The following OCRL variants were observed in gnomAD, a reference collection of about 807,000 sequenced individuals.
OCRL encodes inositol polyphosphate 5-phosphatase OCRL.
A neutral mutation model predicts 78.9 loss-of-function variants in OCRL; 8 were observed. The observed-to-expected ratio is 0.10, with a 90% CI of 0.06 to 0.18. The LOEUF is 0.18. OCRL is among the 10% of genes least tolerant of loss of function. The pLI is 1.00. For synonymous variants in OCRL, 240 were observed against 235.4 expected (o/e 1.02, Z -0.18); for missense variants, 454 against 696.7 (o/e 0.65, Z 3.92).
intron 20 of OCRL, 81 bp from the exon 21 acceptor site, chrX:129,588,098 T>G: frequency 1.4e-6 from 1 of 721,539 alleles, no homozygotes; most frequent in Non-Finnish European, 2.2e-6. Context: ...TGCTTCCTGC[T>G]GCTCTTCTGA....
chrX:129,564,827 T>A (rs1034758425), intron 12 of OCRL, among the ~76,000 whole-genome samples: 2 of 110,722 alleles, frequency 1.8e-5, no homozygotes, highest in Non-Finnish European at 3.8e-5. Flanking sequence ...CATATGTAAC[T>A]AACCTGCACA....
chrX:129,548,618 A>G lies in OCRL; in HGVS notation c.238+17A>G, dbSNP rs1230079050. 8.5e-7 allele frequency: 1 copy of G among 1,171,805 alleles called. No homozygotes were observed. The highest frequency in any genetic ancestry group is 1.2e-6 in the Non-Finnish European group (1 of 859,687). On this transcript the variant is annotated intron_variant, in intron 4 of 23. Coordinates refer to ENST00000371113, the MANE Select transcript of OCRL (RefSeq NM_000276.4). ...CTTCTAACAGTGAGTATCTTTCTGA[A>G]TGTGCTTGATTTTTACTCAACAAAT...
rs755107465 is a variant in OCRL at position 129,570,933 on chromosome X, A to G, written c.1602+1534A>G. 8.0e-5 allele frequency among the ~76,000 whole-genome samples: 9 copies of G among 112,682 alleles called. No homozygotes were observed. The East Asian group carries it at 2.2e-3, about 28-fold the overall frequency. On this transcript the variant is annotated intron_variant, in intron 15 of 23. Coordinates refer to ENST00000371113, the MANE Select transcript of OCRL (RefSeq NM_000276.4). ...GCGTGAATTTGATTATACACAGGCC[A>G]TGCCAGAATCAATCCCCCACAGATC...
chrX:129,547,002 T>C (rs1225578079), intron 3 of OCRL, among the ~76,000 whole-genome samples: 2 of 111,051 alleles, frequency 1.8e-5, no homozygotes, highest in African/African-American at 6.6e-5. Context: ...GAGGATTGCT[T>C]GAGCCCAGGG....
At chrX:129,589,137 C>T in intron 22 of OCRL, 124 bp downstream of exon 22, 1 of 753,830 alleles carries the variant, frequency 1.3e-6, no homozygotes. Flanking sequence ...TTATTAATGG[C>T]AGGACACCAA....
chrX:129,567,491 G>C (rs1024804656), intron 14 of OCRL, 128 bp downstream of exon 14: 1 of 486,095 alleles, frequency 2.1e-6, no homozygotes, highest in African/African-American at 2.4e-5. Flanking sequence ...TAATGGCTCA[G>C]TGCCTCAGTG....
rs1334931708 is a variant in OCRL at position 129,591,071 on chromosome X, A to G, written c.*801A>G. 8.8e-6 allele frequency: 1 copy of G among 113,239 alleles called. No homozygotes were observed. The highest frequency in any genetic ancestry group is 9.5e-5 in the Admixed American group (1 of 10,477). The allele number at this position is 113,239 out of a possible 1,213,427, so 9.3% of individuals were successfully genotyped here. A position where few individuals can be genotyped will look rare whatever the true frequency, so the allele number is the denominator to read the frequency against. On this transcript the variant is annotated 3_prime_UTR_variant, in exon 24 of 24. Coordinates refer to ENST00000371113, the MANE Select transcript of OCRL (RefSeq NM_000276.4). ...TGCTTCCCACTATCCTTTTCCTGTT[A>G]TTATTCAAATTTTACACAAGGACTA...
At chrX:129,569,867 G>A (rs180949781) in intron 15 of OCRL, among the ~76,000 whole-genome samples, 4 of 90,621 alleles carry the variant, frequency 4.4e-5, no homozygotes, top group East Asian at 3.6e-4. Context: ...TTTTTGAGAC[G>A]GAGTCTTGCC....
intron 3 of OCRL, among the ~76,000 whole-genome samples, chrX:129,547,334 G>T (rs1394220625): frequency 2.7e-5 from 3 of 109,727 alleles, no homozygotes; most frequent in Non-Finnish European, 3.8e-5. Context: ...GACCATCCTG[G>T]CTAACACGAT....
At chrX:129,574,401 G>A (rs997640395) in intron 15 of OCRL, among the ~76,000 whole-genome samples, 26 of 112,513 alleles carry the variant, frequency 2.3e-4, no homozygotes, top group African/African-American at 7.7e-4. Context: ...GTGTCAGGTG[G>A]AAAATTTTTT....
intron 14 of OCRL, among the ~76,000 whole-genome samples, chrX:129,568,852 G>A (rs764822490): frequency 1.8e-5 from 2 of 112,653 alleles, no homozygotes; most frequent in Admixed American, 1.9e-4. Context: ...TCTATCTGTT[G>A]TGAAGTGTTG....
intron 9 of OCRL, 64 bp downstream of exon 9, chrX:129,560,715 G>A: frequency 1.2e-6 from 1 of 809,868 alleles, no homozygotes; most frequent in Non-Finnish European, 1.9e-6. Context: ...ATGATGTTTT[G>A]CCTTTTTTAA....
At chrX:129,546,012 C>T (rs1254680032) in intron 3 of OCRL, among the ~76,000 whole-genome samples, 1 of 111,896 alleles carries the variant, frequency 8.9e-6, no homozygotes, top group Non-Finnish European at 1.9e-5. Flanking sequence ...GCATGCCTGG[C>T]CTTTCTTGGA....
chrX:129,569,987 G>A (rs1357768043), intron 15 of OCRL, among the ~76,000 whole-genome samples: 1 of 109,980 alleles, frequency 9.1e-6, no homozygotes, highest in Non-Finnish European at 1.9e-5. Flanking sequence ...GGGATTACAG[G>A]CGTGAGCCAC....
chrX:129,545,911 G>A (rs191617550), intron 3 of OCRL, among the ~76,000 whole-genome samples: 177 of 111,008 alleles, frequency 1.6e-3, no homozygotes, highest in Middle Eastern at 9.1e-3. Flanking sequence ...ACGGGGTTTC[G>A]CCATGTTGCC....
In OCRL at chrX:129,591,191, C is replaced by G. The variant is rs1936581570; in HGVS notation, c.*921C>G. ...AAAAGAGGAAGTCTTGTACCTCAGG[C>G]AGGCCCATCTAGAGCTATTGCTCCT... On this transcript the variant is annotated 3_prime_UTR_variant, in exon 24 of 24. Transcript: ENST00000371113. 8.8e-6 allele frequency: 1 copy of G among 114,148 alleles called. No homozygotes were observed. The highest frequency in any genetic ancestry group is 3.7e-4 in the South Asian group (1 of 2,721). The allele number at this position is 114,148 out of a possible 1,213,427, so 9.4% of individuals were successfully genotyped here. A position where few individuals can be genotyped will look rare whatever the true frequency, so the allele number is the denominator to read the frequency against.
rs748950812 is a variant in OCRL, at chrX:129,588,835, C to G, written c.2342-51C>G. 8.3e-6 allele frequency: 10 copies of G among 1,203,627 alleles called. No individual in the cohort carries two copies. The Admixed American group carries it at 1.3e-4, about 16-fold the overall frequency. On this transcript the variant is annotated intron_variant, in intron 21 of 23. Coordinates refer to ENST00000371113, the MANE Select transcript of OCRL (RefSeq NM_000276.4). ...TTGAGGAAAGGAGCTCGTCGGGGCTCTGTGTGGCCTTTCTCCTGGAGCTCC... is the reference window on the plus strand; with the variant it reads ...TTGAGGAAAGGAGCTCGTCGGGGCTGTGTGTGGCCTTTCTCCTGGAGCTCC...
chrX:129,540,623 CAGGGCGGGGCGGGGCGGGGG>C, intron 1 of OCRL, 101 bp from the exon 2 acceptor site: 1 of 314,148 alleles, frequency 3.2e-6, no homozygotes, highest in Non-Finnish European at 4.6e-6. Context: ...GGAGACGAAG[CAGGGCGGGGCGGGGCGGGGG>C]AGGGCGGCGG....
chrX:129,578,694 C>T (rs1662378079), intron 18 of OCRL, among the ~76,000 whole-genome samples: 1 of 110,742 alleles, frequency 9.0e-6, no homozygotes, highest in Non-Finnish European at 1.9e-5. Context: ...GTAATTTTAC[C>T]ATGTTTGCCC....
Sources: allele counts gnomAD v4.1 joint callset (sites outside exome capture counted in the v4.1 genomes callset), GRCh38; gene constraint gnomAD v4.1.1; transcripts MANE v1.5; gene names NCBI Gene and HGNC (gene_info 2026-07-23, HGNC 2026-07-21).